The following VWC2 variants were observed in gnomAD, a reference collection of about 807,000 sequenced individuals.
The protein encoded by VWC2 is brorin.
A neutral mutation model predicts 29.8 loss-of-function variants in VWC2; 14 were observed. The ratio of observed to expected loss-of-function variants is 0.47; its 90% CI spans 0.31 to 0.74. VWC2 has a LOEUF of 0.74. VWC2 is among the 30% of genes least tolerant of loss of function. The pLI, the probability that VWC2 is intolerant of heterozygous loss-of-function variation, is 0.05. For synonymous variants in VWC2, 213 were observed against 199.0 expected (o/e 1.07, Z -0.59); for missense variants, 457 against 459.8 (o/e 0.99, Z 0.05).
At chr7:49,911,997 G>A in intron 3 of VWC2, 37 bp from the exon 4 acceptor site, 1 of 1,531,050 alleles carries the variant, frequency 6.5e-7, no homozygotes, top group South Asian at 1.3e-5. Flanking sequence ...ATATATTTAT[G>A]CACACATATA....
chr7:49,830,652 A>G (rs1006943448), intron 3 of VWC2, among the ~76,000 whole-genome samples: 2 of 152,068 alleles, frequency 1.3e-5, no homozygotes, highest in Non-Finnish European at 2.9e-5. Flanking sequence ...ATATCTCCTA[A>G]TGCTATCCCT....
chr7:49,896,151 G>A (rs1320160421), intron 3 of VWC2, among the ~76,000 whole-genome samples: 2 of 152,144 alleles, frequency 1.3e-5, no homozygotes, highest in East Asian at 3.9e-4. Context: ...GACTAGCCTG[G>A]TCAATGTGGT....
chr7:49,795,424 G>A (rs144580089), intron 2 of VWC2, among the ~76,000 whole-genome samples: 4 of 152,284 alleles, frequency 2.6e-5, no homozygotes, highest in South Asian at 4.1e-4. Context: ...CTTGAAGGTC[G>A]CTTTCTGATC....
At chr7:49,783,268 G>A (rs1248415118) in intron 2 of VWC2, among the ~76,000 whole-genome samples, 1 of 152,104 alleles carries the variant, frequency 6.6e-6, no homozygotes, top group Non-Finnish European at 1.5e-5. Flanking sequence ...CCCTCCAGGA[G>A]ACAGGCAGCA....
chr7:49,906,355 GAC>G (rs1479151728), intron 3 of VWC2, among the ~76,000 whole-genome samples: 4 of 151,686 alleles, frequency 2.6e-5, no homozygotes, highest in Non-Finnish European at 4.4e-5. Flanking sequence ...TTTTTTTTGA[GAC>G]AGAGTCTTGC....
intron 3 of VWC2, among the ~76,000 whole-genome samples, chr7:49,902,408 G>A (rs532577807): frequency 1.3e-5 from 2 of 152,122 alleles, no homozygotes; most frequent in African/African-American, 4.8e-5. Context: ...CAGTGGAACA[G>A]CAGAACACAG....
chr7:49,859,521 G>T (rs2128719633), intron 3 of VWC2, among the ~76,000 whole-genome samples: 1 of 152,232 alleles, frequency 6.6e-6, no homozygotes, highest in Non-Finnish European at 1.5e-5. Flanking sequence ...ATAACCACTT[G>T]TCTCAGCCCC....
rs545289952 is a variant in VWC2 at position 49,774,746 on chromosome 7, G to A, written c.-103-587G>A. The stretch of plus-strand genomic sequence containing the variant: ...TTTCATGCAGCGGGGCTTAGAGAGC[G>A]GGGAGGGGGCGTCTGCTCCCGAGAC... On this transcript the variant is annotated intron_variant, in intron 1 of 3. Transcript: ENST00000340652. 3.9e-5 allele frequency among the ~76,000 whole-genome samples: 6 copies of A among 152,322 alleles called. 1 individual carries two copies. The South Asian group carries it at 8.3e-4, about 21-fold the overall frequency.
intron 3 of VWC2, among the ~76,000 whole-genome samples, chr7:49,902,333 A>G (rs1019588406): frequency 6.6e-6 from 1 of 152,080 alleles, no homozygotes; most frequent in South Asian, 2.1e-4. Flanking sequence ...AATAGAATAA[A>G]GAGGGAAGAA....
chr7:49,918,480 C>T lies in VWC2; in HGVS notation c.*6295C>T, dbSNP rs1232579057. The T allele has an allele frequency of 6.6e-6, 1 of 152,168 alleles. No homozygotes were observed. The highest frequency in any genetic ancestry group is 1.9e-4 in the East Asian group (1 of 5,196). 9.4% of individuals were successfully genotyped at this position (152,168 alleles called of 1,614,324 possible). A position where few individuals can be genotyped will look rare whatever the true frequency, so the allele number is the denominator to read the frequency against. ...TCGTCACAAAAATGTTGTAGCCTCC[C>T]TAGTCTAAATGCTTATGCTATATTT... On this transcript the variant is annotated 3_prime_UTR_variant, in exon 4 of 4. Transcript: ENST00000340652.
intron 2 of VWC2, among the ~76,000 whole-genome samples, chr7:49,794,684 C>A (rs1788545297): frequency 1.3e-5 from 2 of 152,242 alleles, no homozygotes; most frequent in African/African-American, 4.8e-5. Flanking sequence ...CTGGGGTATA[C>A]AGGCTGTATT....
At chr7:49,788,581 G>A (rs899967799) in intron 2 of VWC2, among the ~76,000 whole-genome samples, 3 of 150,320 alleles carry the variant, frequency 2.0e-5, no homozygotes, top group African/African-American at 4.9e-5. Flanking sequence ...GGGCATGTGC[G>A]ACACCCACAC....
At chr7:49,879,910 C>T (rs542289840) in intron 3 of VWC2, among the ~76,000 whole-genome samples, 73 of 152,260 alleles carry the variant, frequency 4.8e-4, no homozygotes, top group African/African-American at 1.6e-3. Context: ...CCAGCAGCAT[C>T]ACAGATGAGA....
chr7:49,823,599 G>C (rs1222049987), intron 3 of VWC2, among the ~76,000 whole-genome samples: 1 of 152,194 alleles, frequency 6.6e-6, no homozygotes, highest in Admixed American at 6.5e-5. Flanking sequence ...CCCGGCAGTT[G>C]GGTATGTGTT....
rs1583682078 is a variant in VWC2 at position 49,853,553 on chromosome 7, G to C, written c.826+50713G>C. 1.3e-5 allele frequency among the ~76,000 whole-genome samples: 2 copies of C among 151,594 alleles called. 1 individual carries two copies. The highest frequency in any genetic ancestry group is 3.9e-4 in the East Asian group (2 of 5,174). The stretch of plus-strand genomic sequence containing the variant: ...TTTTGGTTTTTTTTTTCTTTATCAC[G>C]GTAGACTATAAACCCTATAATGAGA... On this transcript the variant is annotated intron_variant, in intron 3 of 3. Transcript: ENST00000340652.
rs549238367 is a variant in VWC2 at position 49,841,560 on chromosome 7, G to A, written c.826+38720G>A. Among the ~76,000 whole-genome samples, 8 of 152,222 alleles carry A rather than the reference G, an allele frequency of 5.3e-5. No homozygotes were observed. In the South Asian group the frequency reaches 1.0e-3, roughly 20 times the overall value. ...ACTGTTATAGTGCATATAACAAATC[G>A]CCAGATATAGCAGATTTCCTAAAAT... On this transcript the variant is annotated intron_variant, in intron 3 of 3. Transcript: ENST00000340652.
chr7:49,828,136 TCTGG>T (rs1789446723), intron 3 of VWC2, among the ~76,000 whole-genome samples: 1 of 152,198 alleles, frequency 6.6e-6, no homozygotes, highest in Admixed American at 6.5e-5. Flanking sequence ...ATGTTTTATA[TCTGG>T]CTTTTTTCAC....
intron 2 of VWC2, among the ~76,000 whole-genome samples, chr7:49,798,804 G>A (rs1788661882): frequency 6.6e-6 from 1 of 152,174 alleles, no homozygotes; most frequent in Non-Finnish European, 1.5e-5. Context: ...GTTTTATTTT[G>A]CTACTTTAAC....
At position 49,905,768 on chromosome 7, in the gene VWC2, G is replaced by A. The variant is rs568234934; in HGVS notation, c.827-6266G>A. Among the ~76,000 whole-genome samples the A allele has an allele frequency of 9.3e-4, 139 of 149,868 alleles. 1 individual carries two copies. Among genetic ancestry groups the A allele is most frequent in the Middle Eastern group, 3.4e-3 (1 of 292 alleles). On this transcript the variant is annotated intron_variant, in intron 3 of 3. Transcript: ENST00000340652. ...CTAAGTCACGAGATAGGATGTTGGC[G>A]CAAGAAAGAGGTCGGCTCAAGAAAC...
Sources: allele counts gnomAD v4.1 joint callset (sites outside exome capture counted in the v4.1 genomes callset), GRCh38; gene constraint gnomAD v4.1.1; transcripts MANE v1.5; gene names NCBI Gene and HGNC (gene_info 2026-07-23, HGNC 2026-07-21).